Variants in GRID2 observed in about 807,000 individuals in gnomAD.
GRID2 encodes the protein glutamate ionotropic receptor delta type subunit 2.
Under a neutral mutation model 114.8 loss-of-function variants are expected in GRID2, and 33 were observed. The ratio of observed to expected loss-of-function variants is 0.29; its 90% CI spans 0.22 to 0.38. The LOEUF (loss-of-function observed/expected upper bound fraction) is 0.38, where lower values mean the gene tolerates loss of function less well. Ranked by LOEUF, GRID2 falls within the 10% of genes least tolerant of loss-of-function variation. The probability of loss-of-function intolerance (pLI) is 1.00; values close to 1 mark genes in which losing one functional copy is unlikely to be tolerated. For synonymous variants in GRID2, 505 were observed against 449.9 expected (o/e 1.12, Z -1.55); for missense variants, 1,184 against 1,257.7 (o/e 0.94, Z 0.89).
chr4:92,982,740 G>A (rs1181495274), intron 2 of GRID2, among the ~76,000 whole-genome samples: 2 of 151,998 alleles, frequency 1.3e-5, no homozygotes, highest in Non-Finnish European at 2.9e-5. Flanking sequence ...CTTTGGCTAA[G>A]GTGTTGTGTA....
intron 8 of GRID2, among the ~76,000 whole-genome samples, chr4:93,253,220 C>T (rs896203762): frequency 6.6e-6 from 1 of 151,970 alleles, no homozygotes; most frequent in African/African-American, 2.4e-5. Context: ...AGCGCCACTG[C>T]ACTCCAACCT....
At position 92,304,493 on chromosome 4, in the gene GRID2, C is replaced by T; in HGVS notation, c.-164C>T. 1.6e-6 allele frequency: 1 copy of T among 631,512 alleles called. No individual in the cohort carries two copies. Among genetic ancestry groups the T allele is most frequent in the East Asian group, 2.7e-5 (1 of 36,670 alleles). The allele number at this position is 631,512 out of a possible 1,614,324, so 39.1% of individuals were successfully genotyped here. A position where few individuals can be genotyped will look rare whatever the true frequency, so the allele number is the denominator to read the frequency against. On this transcript the variant is annotated 5_prime_UTR_variant, in exon 1 of 16. Transcript: ENST00000282020. ...GCTGGGCTCTTTCTGTCATTCCCTT[C>T]TGCCTTTCTCGGCGACGATAAAAGG...
chr4:93,593,279 G>A (rs1738611568), intron 13 of GRID2, among the ~76,000 whole-genome samples: 1 of 145,218 alleles, frequency 6.9e-6, no homozygotes, highest in African/African-American at 2.5e-5. Context: ...GCATTTGCTT[G>A]TCTGTAAAGT....
At chr4:93,475,123 C>A (rs1725198861) in intron 11 of GRID2, among the ~76,000 whole-genome samples, 1 of 152,090 alleles carries the variant, frequency 6.6e-6, no homozygotes, top group African/African-American at 2.4e-5. Flanking sequence ...TTTCCTACTG[C>A]TCATCAATTC....
intron 2 of GRID2, among the ~76,000 whole-genome samples, chr4:92,861,454 C>T (rs994633019): frequency 1.3e-5 from 2 of 152,112 alleles, no homozygotes; most frequent in Non-Finnish European, 2.9e-5. Context: ...CCAAAGCAAT[C>T]ATCTTTTTCT....
chr4:92,408,570 G>A (rs1731145711), intron 1 of GRID2, among the ~76,000 whole-genome samples: 1 of 149,748 alleles, frequency 6.7e-6, no homozygotes. Context: ...GCTTTGGGCA[G>A]TATGGCCATT....
intron 8 of GRID2, among the ~76,000 whole-genome samples, chr4:93,313,718 A>G (rs1269776984): frequency 6.6e-6 from 1 of 152,214 alleles, no homozygotes; most frequent in Non-Finnish European, 1.5e-5. Flanking sequence ...TTAAAGTAAT[A>G]TGATAATCAG....
At chr4:93,577,925 G>A (rs1736576582) in intron 13 of GRID2, among the ~76,000 whole-genome samples, 1 of 152,096 alleles carries the variant, frequency 6.6e-6, no homozygotes, top group Non-Finnish European at 1.5e-5. Context: ...CAATAAAATG[G>A]GCACAATTAT....
At chr4:93,217,848 A>G (rs1457615816) in intron 6 of GRID2, among the ~76,000 whole-genome samples, 1 of 152,094 alleles carries the variant, frequency 6.6e-6, no homozygotes, top group Non-Finnish European at 1.5e-5. Flanking sequence ...TATTAAAGTC[A>G]TGGCCAATCT....
intron 2 of GRID2, among the ~76,000 whole-genome samples, chr4:92,662,855 T>C (rs1579794309): frequency 6.6e-6 from 1 of 151,156 alleles, no homozygotes; most frequent in African/African-American, 2.4e-5. Context: ...AAAGAATGTA[T>C]ACTATATTAT....
At chr4:93,106,779 G>A (rs1389464191) in intron 3 of GRID2, among the ~76,000 whole-genome samples, 1 of 152,172 alleles carries the variant, frequency 6.6e-6, no homozygotes, top group African/African-American at 2.4e-5. Flanking sequence ...TGCATTCCAT[G>A]AGTCTGCCTT....
At chr4:92,738,988 A>G (rs528686223) in intron 2 of GRID2, among the ~76,000 whole-genome samples, 55 of 152,284 alleles carry the variant, frequency 3.6e-4, no homozygotes, top group African/African-American at 1.1e-3. Context: ...TAATAATTCA[A>G]CATCATCCAT....
At chr4:93,140,573 C>A (rs1207512181) in intron 4 of GRID2, among the ~76,000 whole-genome samples, 1 of 152,168 alleles carries the variant, frequency 6.6e-6, no homozygotes, top group Non-Finnish European at 1.5e-5. Context: ...ACCTCACGTA[C>A]CCTCTGACAT....
intron 12 of GRID2, among the ~76,000 whole-genome samples, chr4:93,503,406 T>C (rs1288882083): frequency 6.6e-6 from 1 of 151,958 alleles, no homozygotes; most frequent in Non-Finnish European, 1.5e-5. Flanking sequence ...ACATGTGCCA[T>C]GTTGGTGTGC....
chr4:92,370,427 G>A (rs538336964), intron 1 of GRID2, among the ~76,000 whole-genome samples: 55 of 152,066 alleles, frequency 3.6e-4, no homozygotes, highest in South Asian at 1.5e-3. Flanking sequence ...TGAGGCGGGC[G>A]GATCACGAGG....
chr4:93,798,005 T>C (rs1207469079), intron 1 of GRID2, among the ~76,000 whole-genome samples: 1 of 151,656 alleles, frequency 6.6e-6, no homozygotes, highest in East Asian at 1.9e-4. Context: ...ATACAAAAAT[T>C]AGCCAGGCAT....
chr4:92,730,220 C>T (rs1415669090), intron 2 of GRID2, among the ~76,000 whole-genome samples: 1 of 151,770 alleles, frequency 6.6e-6, no homozygotes, highest in Non-Finnish European at 1.5e-5. Flanking sequence ...TTCTATAATA[C>T]CCCATATTGT....
At chr4:92,898,101 C>A (rs972874662) in intron 2 of GRID2, among the ~76,000 whole-genome samples, 8 of 152,072 alleles carry the variant, frequency 5.3e-5, no homozygotes, top group African/African-American at 1.9e-4. Flanking sequence ...AATTATTTTT[C>A]ATATATTCTA....
chr4:93,115,002 T>G (rs1030890839), intron 4 of GRID2, among the ~76,000 whole-genome samples: 16 of 151,968 alleles, frequency 1.1e-4, no homozygotes. Context: ...ATTTCACAGA[T>G]AAGTTGTGTC....
Sources: allele counts gnomAD v4.1 joint callset (sites outside exome capture counted in the v4.1 genomes callset), GRCh38; gene constraint gnomAD v4.1.1; transcripts MANE v1.5; gene names NCBI Gene and HGNC (gene_info 2026-07-23, HGNC 2026-07-21).